DOK5: variants seen among roughly 807,000 people sequenced by gnomAD.
DOK5 encodes docking protein 5.
A neutral mutation model predicts 43.3 loss-of-function variants in DOK5; 27 were observed. That is an observed-to-expected ratio of 0.62 (90% CI 0.46 to 0.86). DOK5 has a LOEUF of 0.86. DOK5 is among the 40% of genes least tolerant of loss of function. The pLI is 0.00. For synonymous variants in DOK5, 146 were observed against 140.1 expected (o/e 1.04, Z -0.30); for missense variants, 373 against 392.9 (o/e 0.95, Z 0.43).
intron 2 of DOK5, among the ~76,000 whole-genome samples, chr20:54,587,343 T>C (rs1985837039): frequency 1.3e-5 from 2 of 152,130 alleles, no homozygotes; most frequent in Admixed American, 1.3e-4. Context: ...ATCAGATTAG[T>C]GTTGTGCATG....
intron 2 of DOK5, among the ~76,000 whole-genome samples, chr20:54,585,979 C>G (rs186510796): frequency 2.0e-5 from 3 of 152,204 alleles, no homozygotes; most frequent in Non-Finnish European, 4.4e-5. Context: ...AAAAAATTAG[C>G]TGAGTGTGGT....
intron 1 of DOK5, among the ~76,000 whole-genome samples, chr20:54,534,349 A>C (rs1983880705): frequency 1.3e-5 from 2 of 152,068 alleles, no homozygotes; most frequent in Non-Finnish European, 2.9e-5. Flanking sequence ...CACCATGCCC[A>C]GATAATTTTT....
At chr20:54,560,064 C>T (rs1022738285) in intron 2 of DOK5, among the ~76,000 whole-genome samples, 3 of 152,176 alleles carry the variant, frequency 2.0e-5, no homozygotes, top group South Asian at 2.1e-4. Flanking sequence ...TTCTAGCTTC[C>T]GCACAATGAG....
At chr20:54,558,220 A>G (rs1464189587) in intron 2 of DOK5, among the ~76,000 whole-genome samples, 1 of 152,270 alleles carries the variant, frequency 6.6e-6, no homozygotes, top group Non-Finnish European at 1.5e-5. Context: ...ACAGAAAAAT[A>G]TAAAACCAAA....
chr20:54,576,049 C>A (rs971932094), intron 2 of DOK5, among the ~76,000 whole-genome samples: 1 of 151,600 alleles, frequency 6.6e-6, no homozygotes, highest in African/African-American at 2.4e-5. Flanking sequence ...AGGCAGAAAA[C>A]AAAGAATACC....
intron 5 of DOK5, among the ~76,000 whole-genome samples, chr20:54,607,881 T>TAAAACAAAACAAAAC (rs146059505): frequency 7.3e-5 from 9 of 122,480 alleles, no homozygotes; most frequent in African/African-American, 3.2e-4. Flanking sequence ...AGACTCCATC[T>TAAAACAAAACAAAAC]AAAACAAAAC....
At chr20:54,614,098 C>T (rs1986732025) in intron 6 of DOK5, among the ~76,000 whole-genome samples, 1 of 151,246 alleles carries the variant, frequency 6.6e-6, no homozygotes, top group Admixed American at 6.6e-5. Flanking sequence ...AACAAAAAAC[C>T]TGTGCATCAG....
intron 1 of DOK5, among the ~76,000 whole-genome samples, chr20:54,504,813 G>A (rs1982745895): frequency 6.6e-6 from 1 of 152,140 alleles, no homozygotes; most frequent in Non-Finnish European, 1.5e-5. Context: ...AAGGCTTGTT[G>A]GCTTTTGAGG....
At chr20:54,510,191 C>T (rs2146686595) in intron 1 of DOK5, among the ~76,000 whole-genome samples, 1 of 152,258 alleles carries the variant, frequency 6.6e-6, no homozygotes, top group East Asian at 1.9e-4. Context: ...CTATAATAAA[C>T]AAAGCTATTC....
At chr20:54,598,960 A>G (rs1986227348) in intron 5 of DOK5, among the ~76,000 whole-genome samples, 1 of 152,226 alleles carries the variant, frequency 6.6e-6, no homozygotes, top group African/African-American at 2.4e-5. Context: ...TACTCCTTTA[A>G]TTGGTGAGTT....
chr20:54,644,015 C>G (rs1251363739), intron 7 of DOK5, among the ~76,000 whole-genome samples: 1 of 152,108 alleles, frequency 6.6e-6, no homozygotes, highest in East Asian at 1.9e-4. Context: ...CCATGCCCTT[C>G]CCCAGACCTA....
intron 1 of DOK5, among the ~76,000 whole-genome samples, chr20:54,477,478 T>C (rs1655304216): frequency 6.6e-6 from 1 of 152,248 alleles, no homozygotes; most frequent in African/African-American, 2.4e-5. Context: ...TGCCAAAGTT[T>C]CCTTGGTTTT....
intron 1 of DOK5, among the ~76,000 whole-genome samples, chr20:54,524,080 C>G (rs183315492): frequency 2.6e-5 from 4 of 152,250 alleles, no homozygotes; most frequent in African/African-American, 9.6e-5. Flanking sequence ...TCACCCTACT[C>G]CATGCATCTC....
At chr20:54,493,691 C>T (rs964831981) in intron 1 of DOK5, among the ~76,000 whole-genome samples, 3 of 152,110 alleles carry the variant, frequency 2.0e-5, no homozygotes, top group Non-Finnish European at 4.4e-5. Flanking sequence ...AATCCCAGCA[C>T]TTTGGGAGGC....
chr20:54,593,039 C>T (rs73276995), intron 5 of DOK5, among the ~76,000 whole-genome samples: 4,510 of 152,208 alleles, frequency 0.03, 213 homozygotes, highest in African/African-American at 0.1. Context: ...ATACCCCAAT[C>T]CATGTGAATG....
intron 5 of DOK5, among the ~76,000 whole-genome samples, chr20:54,605,756 C>T (rs1302830077): frequency 1.3e-5 from 2 of 152,228 alleles, no homozygotes; most frequent in African/African-American, 4.8e-5. Flanking sequence ...TAAACCAAGC[C>T]ATGCTCTAGG....
At chr20:54,606,805 T>C (rs1301864463) in intron 5 of DOK5, among the ~76,000 whole-genome samples, 3 of 152,318 alleles carry the variant, frequency 2.0e-5, no homozygotes, top group African/African-American at 7.2e-5. Context: ...CATTAGCATC[T>C]TCATGGGTCA....
intron 5 of DOK5, among the ~76,000 whole-genome samples, chr20:54,609,761 C>G: frequency 6.6e-6 from 1 of 152,086 alleles, no homozygotes; most frequent in Non-Finnish European, 1.5e-5. Context: ...TGTTAATTAT[C>G]AAAACCATAC....
At chr20:54,555,111 C>T (rs2146729815) in intron 2 of DOK5, 71 bp downstream of exon 2, 1 of 1,041,856 alleles carries the variant, frequency 9.6e-7, no homozygotes, top group Middle Eastern at 2.1e-4. Flanking sequence ...TGACTGAAAA[C>T]TTGCCTGAAT....
Sources: gnomAD v4.1 joint callset for allele counts (sites outside exome capture counted in the v4.1 genomes callset) on GRCh38, gnomAD v4.1.1 for gene constraint, MANE v1.5 for transcripts, NCBI Gene and HGNC (gene_info 2026-07-23, HGNC 2026-07-21) for gene names.